MCC: variants seen among roughly 807,000 people sequenced by gnomAD.
MCC encodes the protein colorectal mutant cancer protein.
A neutral mutation model predicts 116.2 loss-of-function variants in MCC; 90 were observed. The ratio of observed to expected loss-of-function variants is 0.77; its 90% CI spans 0.65 to 0.92. MCC has a LOEUF of 0.92. MCC is among the 40% of genes least tolerant of loss of function. The probability of loss-of-function intolerance (pLI) is 0.00; values close to 1 mark genes in which losing one functional copy is unlikely to be tolerated. For missense variants in MCC, 1,516 were observed against 1,312.2 expected, an observed-to-expected ratio of 1.16 and a Z score of -2.40; for synonymous variants, 578 against 510.5, an observed-to-expected ratio of 1.13 and a Z score of -1.78.
chr5:113,466,324 C>T lies in MCC; in HGVS notation c.170+21921G>A, dbSNP rs1375553981. Among the ~76,000 whole-genome samples the T allele has an allele frequency of 2.4e-5, 3 of 123,782 alleles. No homozygotes were observed. In the South Asian group the frequency reaches 9.2e-4, roughly 38 times the overall value. 81.2% of individuals were successfully genotyped at this position (123,782 alleles called of 152,430 possible). The stretch of plus-strand genomic sequence containing the variant: ...CATTAGGTATATCTCCTAATGCTAT[C>T]CCTCCCCCCTCCCCCCACCCCACAA... On this transcript the variant is annotated intron_variant, in intron 1 of 18. Coordinates refer to ENST00000408903, the MANE Select transcript of MCC (RefSeq NM_001085377.2).
rs370964342 is a variant in MCC at position 113,465,644 on chromosome 5, C to T, written c.170+22601G>A. ...ACAAAAGATTAGGATCTCTAATATA[C>T]GAAGACCTCTTAGAAATCAAAAGAA... On this transcript the variant is annotated intron_variant, in intron 1 of 18. Coordinates refer to ENST00000408903, the MANE Select transcript of MCC (RefSeq NM_001085377.2). 1.2e-4 allele frequency among the ~76,000 whole-genome samples: 19 copies of T among 152,096 alleles called. No homozygotes were observed. In the South Asian group the frequency reaches 2.1e-3, roughly 17 times the overall value.
intron 2 of MCC, among the ~76,000 whole-genome samples, chr5:113,382,018 T>C (rs1016531445): frequency 3.3e-5 from 5 of 152,142 alleles, no homozygotes; most frequent in African/African-American, 2.4e-5. Context: ...AAAGGAATCT[T>C]TGGATTGCCA....
intron 1 of MCC, among the ~76,000 whole-genome samples, chr5:113,431,084 A>T (rs1770626196): frequency 6.6e-6 from 1 of 152,122 alleles, no homozygotes; most frequent in African/African-American, 2.4e-5. Context: ...AAGAGTAGGA[A>T]GTGAGATTAT....
At position 113,189,411 on chromosome 5, in the gene MCC, G is replaced by A. The variant is rs556677161; in HGVS notation, c.628-37989C>T. On this transcript the variant is annotated intron_variant, in intron 3 of 18. Coordinates refer to ENST00000408903, the MANE Select transcript of MCC (RefSeq NM_001085377.2). Reference sequence around the variant, plus strand: ...CTGCTTGAAGGATCAGATGATCAAAGCAGAGATTGACCATGCTGGTCTGCA... The same window carrying A: ...CTGCTTGAAGGATCAGATGATCAAAACAGAGATTGACCATGCTGGTCTGCA... Among the ~76,000 whole-genome samples, 5 of 152,332 alleles carry A rather than the reference G, an allele frequency of 3.3e-5. No homozygotes were observed. The South Asian group carries it at 1.0e-3, about 32-fold the overall frequency.
chr5:113,191,901 A>G (rs1762168107), intron 3 of MCC, among the ~76,000 whole-genome samples: 1 of 152,130 alleles, frequency 6.6e-6, no homozygotes, highest in South Asian at 2.1e-4. Flanking sequence ...TTCAACAGAA[A>G]ATTCTCAAGA....
intron 17 of MCC, among the ~76,000 whole-genome samples, chr5:113,031,385 C>T (rs1750942611): frequency 6.6e-6 from 1 of 152,044 alleles, no homozygotes; most frequent in Non-Finnish European, 1.5e-5. Context: ...GATGGTGTTG[C>T]AGGAGGGGGG....
In MCC at chr5:113,146,753, G is replaced by C. The variant is rs544127274; in HGVS notation, c.742-3393C>G. Among the ~76,000 whole-genome samples, 9 of 152,288 alleles carry C rather than the reference G, an allele frequency of 5.9e-5. No homozygotes were observed. The South Asian group carries it at 1.9e-3, about 32-fold the overall frequency. On this transcript the variant is annotated intron_variant, in intron 4 of 18. Coordinates refer to ENST00000408903, the MANE Select transcript of MCC (RefSeq NM_001085377.2). Reference sequence around the variant, plus strand: ...ACTATTTTCTTCTCTCTACTGGACAGAGACACCCCATACAATTTCAGCTGA... The same window carrying C: ...ACTATTTTCTTCTCTCTACTGGACACAGACACCCCATACAATTTCAGCTGA...
At chr5:113,457,950 C>T (rs1271417112) in intron 1 of MCC, among the ~76,000 whole-genome samples, 1 of 151,972 alleles carries the variant, frequency 6.6e-6, no homozygotes, top group East Asian at 1.9e-4. Flanking sequence ...CCTTGAAGAA[C>T]CTTTGTGTCC....
intron 2 of MCC, among the ~76,000 whole-genome samples, 197 bp from the exon 3 acceptor site, chr5:113,340,927 G>C (rs1767995431): frequency 6.6e-6 from 1 of 152,110 alleles, no homozygotes; most frequent in East Asian, 1.9e-4. Flanking sequence ...AGCAATTTCA[G>C]GCAAAGCATT....
intron 3 of MCC, among the ~76,000 whole-genome samples, chr5:113,184,131 T>C (rs1761768410): frequency 6.6e-6 from 1 of 152,222 alleles, no homozygotes; most frequent in South Asian, 2.1e-4. Flanking sequence ...AATTTGCTCT[T>C]ATAAGATTGT....
At chr5:113,290,668 A>T (rs1181117698) in intron 3 of MCC, among the ~76,000 whole-genome samples, 5 of 152,226 alleles carry the variant, frequency 3.3e-5, no homozygotes, top group African/African-American at 1.2e-4. Flanking sequence ...AGACCAATAG[A>T]GCTAACTGCT....
rs200404468 is a variant in MCC at position 113,261,947 on chromosome 5, CATT to C, written c.627+78569_627+78571del. ...CATGACTGCAGTACACAAAAAACTA[CATT>C]ATTAATAAAAAAAATTCCAATAGTC... On this transcript the variant is annotated intron_variant, in intron 3 of 18. Coordinates refer to ENST00000408903, the MANE Select transcript of MCC (RefSeq NM_001085377.2). Among the ~76,000 whole-genome samples the C allele has an allele frequency of 8.3e-4, 126 of 152,196 alleles. 1 individual carries two copies. The East Asian group carries it at 0.014, about 17-fold the overall frequency.
chr5:113,383,964 A>C (rs541863486), intron 2 of MCC, among the ~76,000 whole-genome samples: 1 of 152,352 alleles, frequency 6.6e-6, no homozygotes, highest in East Asian at 1.9e-4. Context: ...CAGAGAAACA[A>C]TGAGATCAAA....
intron 3 of MCC, among the ~76,000 whole-genome samples, chr5:113,287,636 T>A (rs555793876): frequency 1.3e-5 from 2 of 152,278 alleles, no homozygotes; most frequent in East Asian, 3.9e-4. Context: ...ATCAACAGCT[T>A]CTTAATTTTG....
chr5:113,110,143 T>A (rs1757004273), intron 6 of MCC, among the ~76,000 whole-genome samples: 1 of 152,194 alleles, frequency 6.6e-6, no homozygotes, highest in Non-Finnish European at 1.5e-5. Context: ...GAAACTGTTC[T>A]ACATCCAGGA....
chr5:113,360,135 G>C (rs1019466848), intron 2 of MCC, among the ~76,000 whole-genome samples: 4 of 151,890 alleles, frequency 2.6e-5, no homozygotes, highest in Admixed American at 6.6e-5. Flanking sequence ...ATACCTCTTG[G>C]CTGAAAATCA....
At chr5:113,098,801 G>C (rs564546270) in intron 8 of MCC, among the ~76,000 whole-genome samples, 137 of 152,148 alleles carry the variant, frequency 9.0e-4, no homozygotes, top group African/African-American at 3.2e-3. Flanking sequence ...TGTGGGCAAA[G>C]AAAAAAAGAA....
intron 1 of MCC, chr5:113,435,134 C>T: frequency 2.6e-6 from 1 of 381,310 alleles, no homozygotes; most frequent in Non-Finnish European, 4.8e-6. Flanking sequence ...ACAAGATGAG[C>T]AGAAAGTGGC....
At chr5:113,152,573 G>T (rs529754928) in intron 3 of MCC, among the ~76,000 whole-genome samples, 1 of 152,178 alleles carries the variant, frequency 6.6e-6, no homozygotes, top group Non-Finnish European at 1.5e-5. Context: ...ACGATGGTAC[G>T]TAACTCAACT....
Sources: allele counts gnomAD v4.1 joint callset (sites outside exome capture counted in the v4.1 genomes callset), GRCh38; gene constraint gnomAD v4.1.1; transcripts MANE v1.5; gene names NCBI Gene and HGNC (gene_info 2026-07-23, HGNC 2026-07-21).